EIF4G3: variants seen among roughly 807,000 people sequenced by gnomAD.
The protein encoded by EIF4G3 is eIF-4-gamma 3.
In EIF4G3, 34 loss-of-function variants were observed where a neutral mutation model predicts 186.4. The ratio of observed to expected loss-of-function variants is 0.18; its 90% CI spans 0.14 to 0.24. The LOEUF (loss-of-function observed/expected upper bound fraction) is 0.24, where lower values mean the gene tolerates loss of function less well. Ranked by LOEUF, EIF4G3 falls within the 10% of genes least tolerant of loss-of-function variation. The pLI, the probability that EIF4G3 is intolerant of heterozygous loss-of-function variation, is 1.00. For synonymous variants in EIF4G3, 673 were observed against 679.5 expected, an observed-to-expected ratio of 0.99 and a Z score of 0.15; for missense variants, 1,536 against 1,948.5, an observed-to-expected ratio of 0.79 and a Z score of 3.99.
At chr1:20,905,715 A>G (rs1300832163) in intron 14 of EIF4G3, among the ~76,000 whole-genome samples, 1 of 152,244 alleles carries the variant, frequency 6.6e-6, no homozygotes, top group African/African-American at 2.4e-5. Flanking sequence ...CATTTTAACC[A>G]TCAGATAGTA....
chr1:20,822,404 G>A (rs990463971), intron 33 of EIF4G3, among the ~76,000 whole-genome samples: 1 of 81,698 alleles, frequency 1.2e-5, no homozygotes, highest in Admixed American at 2.1e-4. Context: ...TCGCCCTTTT[G>A]TCCAGGCTGG....
intron 2 of EIF4G3, among the ~76,000 whole-genome samples, chr1:21,146,735 C>T (rs772835373): frequency 5.3e-4 from 80 of 150,864 alleles, no homozygotes; most frequent in Non-Finnish European, 1.1e-3. Flanking sequence ...CCCGCCTGGA[C>T]AACAAGAGCA....
intron 2 of EIF4G3, among the ~76,000 whole-genome samples, chr1:21,143,713 G>C (rs2097382709): frequency 6.6e-6 from 1 of 152,200 alleles, no homozygotes; most frequent in Non-Finnish European, 1.5e-5. Context: ...GAGGCCAGGA[G>C]TTTGGGACCA....
In EIF4G3 at chr1:21,002,809, C is replaced by T. The variant is rs749176869; in HGVS notation, c.-66-1G>A. On this transcript the variant is annotated splice_acceptor_variant, in intron 4 of 36. Coordinates refer to ENST00000602326, the MANE Select transcript of EIF4G3 (RefSeq NM_001391906.1). LOFTEE classifies it low-confidence loss of function (5UTR_SPLICE). The stretch of plus-strand genomic sequence containing the variant: ...CATTCTGTCCAGAGGGATAAGGGGT[C>T]TGTCAAAAAATGGCAAGAACAATAT... 1.3e-6 allele frequency: 2 copies of T among 1,552,018 alleles called. No homozygotes were observed. The highest frequency in any genetic ancestry group is 1.4e-5 in the African/African-American group (1 of 72,934).
intron 2 of EIF4G3, among the ~76,000 whole-genome samples, chr1:21,152,310 C>T (rs2097563845): frequency 8.2e-6 from 1 of 121,584 alleles, no homozygotes; most frequent in Non-Finnish European, 1.6e-5. Flanking sequence ...GTACTCTGGC[C>T]TGGGCAACAG....
intron 2 of EIF4G3, among the ~76,000 whole-genome samples, chr1:21,099,196 A>G (rs2096460733): frequency 6.6e-6 from 1 of 152,206 alleles, no homozygotes; most frequent in Admixed American, 6.5e-5. Flanking sequence ...CACTTTGGAA[A>G]GCAGTTTGGC....
At chr1:21,140,419 G>C (rs1303553620) in intron 2 of EIF4G3, among the ~76,000 whole-genome samples, 20 of 152,044 alleles carry the variant, frequency 1.3e-4, no homozygotes. Context: ...GTTCAAGTGG[G>C]CCTCCCGCCT....
intron 2 of EIF4G3, among the ~76,000 whole-genome samples, chr1:21,164,611 G>A (rs1041150804): frequency 2.6e-5 from 4 of 152,040 alleles, no homozygotes; most frequent in Admixed American, 6.6e-5. Flanking sequence ...CTATAATCCC[G>A]CATTTTGGAA....
intron 7 of EIF4G3, among the ~76,000 whole-genome samples, chr1:20,993,371 C>T (rs577426923): frequency 1.3e-5 from 2 of 152,224 alleles, no homozygotes; most frequent in East Asian, 3.9e-4. Context: ...TTTTTGTTTA[C>T]TTGAATTCAA....
intron 2 of EIF4G3, among the ~76,000 whole-genome samples, chr1:21,165,605 G>A (rs756426185): frequency 1.1e-4 from 17 of 152,226 alleles, no homozygotes; most frequent in Middle Eastern, 6.8e-3. Context: ...GTCCATTTAC[G>A]TAAAAAGTTC....
At chr1:20,811,144 G>A (rs1315336966) in intron 35 of EIF4G3, among the ~76,000 whole-genome samples, 1 of 152,090 alleles carries the variant, frequency 6.6e-6, no homozygotes, top group South Asian at 2.1e-4. Flanking sequence ...AGCAGAGACA[G>A]GGTTTCACCA....
At chr1:20,849,313 G>T in intron 29 of EIF4G3, 102 bp downstream of exon 29, 1 of 562,314 alleles carries the variant, frequency 1.8e-6, no homozygotes, top group Non-Finnish European at 3.0e-6. Context: ...CTCAACCTAA[G>T]TCTTATCAGT....
chr1:20,853,562 A>C lies in EIF4G3; in HGVS notation c.3549T>G (p.Thr1183=), dbSNP rs2073997635. The C allele has an allele frequency of 6.2e-7, 1 of 1,607,690 alleles. No individual in the cohort carries two copies. Among genetic ancestry groups the C allele is most frequent in the Non-Finnish European group, 8.5e-7 (1 of 1,174,362 alleles). Reference sequence around the variant, plus strand: ...GACATAAAAAGCAGGGTTCTCACCTAGTTAAGGTCCTTCGGGAATCAAACT... The same window carrying C: ...GACATAAAAAGCAGGGTTCTCACCTCGTTAAGGTCCTTCGGGAATCAAACT... The part of the protein sequence containing the change: ...PVEFDSRRTL[T]SRGSMGREKN... Residue 1183 remains threonine (T), a splice_region_variant and synonymous_variant, in exon 27 of 37, where the codon ACT becomes ACG. Coordinates refer to ENST00000602326, the MANE Select transcript of EIF4G3 (RefSeq NM_001391906.1).
At chr1:20,845,401 G>A (rs770256107) in intron 29 of EIF4G3, among the ~76,000 whole-genome samples, 15 of 152,154 alleles carry the variant, frequency 9.9e-5, no homozygotes, top group Non-Finnish European at 1.8e-4. Context: ...GGTGGCTCAC[G>A]CCTGTAATCC....
At chr1:21,020,222 T>C (rs1296192453) in intron 4 of EIF4G3, among the ~76,000 whole-genome samples, 4 of 152,008 alleles carry the variant, frequency 2.6e-5, no homozygotes, top group Non-Finnish European at 5.9e-5. Context: ...GGCACAGTGA[T>C]CATATCTGTA....
intron 12 of EIF4G3, among the ~76,000 whole-genome samples, chr1:20,964,076 T>G (rs1481400928): frequency 6.6e-6 from 1 of 152,234 alleles, no homozygotes; most frequent in Non-Finnish European, 1.5e-5. Context: ...AGCATATTTC[T>G]AAATACAGGG....
intron 4 of EIF4G3, among the ~76,000 whole-genome samples, chr1:21,034,461 T>C (rs1173120482): frequency 6.6e-6 from 1 of 152,234 alleles, no homozygotes; most frequent in Non-Finnish European, 1.5e-5. Context: ...TGAAGTACAC[T>C]TTAATATTAT....
intron 11 of EIF4G3, among the ~76,000 whole-genome samples, chr1:20,970,316 A>G (rs1009669410): frequency 6.6e-6 from 1 of 152,202 alleles, no homozygotes; most frequent in African/African-American, 2.4e-5. Context: ...GAATAGCTCA[A>G]AAATTATCAT....
chr1:20,892,585 A>G (rs758504579), intron 18 of EIF4G3: 2 of 1,297,932 alleles, frequency 1.5e-6, no homozygotes, highest in African/African-American at 1.5e-5. Flanking sequence ...AACACCAGAG[A>G]CTATTATTAC....
Sources: allele counts gnomAD v4.1 joint callset (sites outside exome capture counted in the v4.1 genomes callset), GRCh38; gene constraint gnomAD v4.1.1; transcripts MANE v1.5; gene names NCBI Gene and HGNC (gene_info 2026-07-23, HGNC 2026-07-21).